The following PCCB variants were observed in gnomAD, a reference collection of about 807,000 sequenced individuals.
The protein encoded by PCCB is propionyl-CoA carboxylase beta chain, mitochondrial.
PCCB carries 43 observed loss-of-function variants against 60.7 expected under a neutral mutation model. That is an observed-to-expected ratio of 0.71 (90% CI 0.55 to 0.91). The LOEUF is 0.91. Ranked by LOEUF, PCCB falls within the 40% of genes least tolerant of loss-of-function variation. PCCB has a pLI of 0.00. For synonymous variants in PCCB, 276 were observed against 255.9 expected (o/e 1.08, Z -0.75); for missense variants, 766 against 702.8 (o/e 1.09, Z -1.02).
intron 9 of PCCB, among the ~76,000 whole-genome samples, chr3:136,304,150 C>CT (rs757141619): frequency 0.032 from 3,186 of 98,824 alleles, 601 homozygotes; most frequent in Non-Finnish European, 0.048. Context: ...ATCTCTTCGT[C>CT]TTTTTTTTTT....
rs886058020 is a variant in PCCB, at chr3:136,329,926, A to G, written c.1520A>G (p.Gln507Arg). The change falls in exon 15 of 15, where the codon CAA becomes CGA. Residue 507 changes from glutamine (Q) to arginine (R), a missense_variant. Physicochemically the swap from Gln to Arg is conservative, Grantham distance 43. Coordinates refer to ENST00000251654, the MANE Select transcript of PCCB (RefSeq NM_000532.5). Reference protein sequence around the residue: ...AVRGFVDDIIQPSSTRARICC... With the variant: ...AVRGFVDDIIRPSSTRARICC... ...CCAGGGTTTGTGGATGACATCATCC[A>G]ACCTTCTTCCACACGTGCCCGAATC... 33 of 1,614,174 alleles carry G rather than the reference A, an allele frequency of 2.0e-5. No individual in the cohort carries two copies. Among genetic ancestry groups the G allele is most frequent in the Non-Finnish European group, 2.8e-5 (33 of 1,180,010 alleles).
intron 5 of PCCB, 58 bp downstream of exon 5, chr3:136,262,123 G>A (rs983034041): frequency 1.8e-6 from 2 of 1,099,998 alleles, no homozygotes; most frequent in African/African-American, 1.5e-5. Context: ...TCTAAGCCAT[G>A]GCCTGGCCAG....
At chr3:136,268,144 A>C (rs1352411185) in intron 5 of PCCB, among the ~76,000 whole-genome samples, 5 of 141,570 alleles carry the variant, frequency 3.5e-5, no homozygotes, top group Non-Finnish European at 7.6e-5. Flanking sequence ...ATATATATCT[A>C]CATACACAAG....
intron 9 of PCCB, 82 bp from the exon 10 acceptor site, chr3:136,316,859 A>G: frequency 6.6e-7 from 1 of 1,505,762 alleles, no homozygotes; most frequent in Non-Finnish European, 9.2e-7. Flanking sequence ...TAATTCTGTA[A>G]TAGAAATGTC....
chr3:136,325,652 G>A (rs1264881688), intron 10 of PCCB, among the ~76,000 whole-genome samples: 2 of 151,086 alleles, frequency 1.3e-5, no homozygotes, highest in African/African-American at 2.4e-5. Context: ...CCACTGTGCC[G>A]GGCCATGTTT....
intron 5 of PCCB, among the ~76,000 whole-genome samples, chr3:136,279,626 A>G (rs1942421256): frequency 6.6e-6 from 1 of 152,026 alleles, no homozygotes; most frequent in South Asian, 2.1e-4. Flanking sequence ...CTCATTAACA[A>G]CAGATTTATT....
rs760709130 is a variant in PCCB, at chr3:136,256,577, C to T, written c.326C>T (p.Thr109Ile). The change falls in exon 3 of 15, where the codon ACT becomes ATT. Residue 109 changes from threonine (T) to isoleucine (I), a missense_variant. Thr to Ile is a moderately conservative substitution (Grantham distance 89). Transcript: ENST00000251654. ...TAGTTTCCTGGAGACAGCGTGGTCA[C>T]TGGACGAGGCCGAATCAATGGAAGA... Reference protein sequence around the residue: ...KNKFPGDSVVTGRGRINGRLV... With the variant: ...KNKFPGDSVVIGRGRINGRLV... The T allele has an allele frequency of 1.9e-6, 3 of 1,613,156 alleles. No homozygotes were observed. Among genetic ancestry groups the T allele is most frequent in the South Asian group, 1.1e-5 (1 of 91,068 alleles).
rs1158203776 is a variant in PCCB, at chr3:136,305,973, C to T, written c.966+4862C>T. Among the ~76,000 whole-genome samples, 2 of 120,970 alleles carry T rather than the reference C, an allele frequency of 1.7e-5. 1 individual carries two copies. Among genetic ancestry groups the T allele is most frequent in the Non-Finnish European group, 3.7e-5 (2 of 54,414 alleles). The allele number at this position is 120,970 out of a possible 152,430, so 79.4% of individuals were successfully genotyped here. ...TATGTACCTGCAAGACATACAAAAT[C>T]GAATACACTGAAGGACACTACATCT... On this transcript the variant is annotated intron_variant, in intron 9 of 14. Transcript: ENST00000251654.
chr3:136,315,498 T>C (rs1576351676), intron 9 of PCCB, among the ~76,000 whole-genome samples: 1 of 151,780 alleles, frequency 6.6e-6, no homozygotes, highest in Non-Finnish European at 1.5e-5. Context: ...CTGCACTCCA[T>C]CCTGGGCAGC....
intron 8 of PCCB, among the ~76,000 whole-genome samples, chr3:136,299,931 T>A (rs1934178171): frequency 6.6e-6 from 1 of 151,960 alleles, no homozygotes; most frequent in African/African-American, 2.4e-5. Flanking sequence ...TGCATATGTA[T>A]ATGTATACGC....
rs755776820 is a variant in PCCB, at chr3:136,262,037, CTT to C, written c.517_518del (p.Leu173GlyfsTer56). The C allele has an allele frequency of 1.9e-6, 3 of 1,556,268 alleles. No individual in the cohort carries two copies. In the Admixed American group the frequency reaches 5.9e-5, roughly 30 times the overall value. On this transcript the variant is annotated frameshift_variant, in exon 5 of 15. Transcript: ENST00000251654. LOFTEE classifies it high-confidence loss of function. ...GCACGGATCCAAGAAGGAGTGGAGT[CTT>C]TGGCTGGCTATGCAGACATCTTTCT...
At chr3:136,306,846 G>A (rs1292120627) in intron 9 of PCCB, among the ~76,000 whole-genome samples, 6 of 122,464 alleles carry the variant, frequency 4.9e-5, no homozygotes, top group African/African-American at 1.5e-4. Flanking sequence ...CAAGAAAATA[G>A]TCCAGAAATA....
chr3:136,256,699 C>A, intron 3 of PCCB, 76 bp downstream of exon 3: 2 of 1,036,500 alleles, frequency 1.9e-6, no homozygotes, highest in Non-Finnish European at 1.5e-6. Flanking sequence ...AGAAGCCAAT[C>A]TTGGGGAATG....
At chr3:136,316,816 T>C (rs1934913132) in intron 9 of PCCB, 125 bp from the exon 10 acceptor site, 2 of 1,094,710 alleles carry the variant, frequency 1.8e-6, no homozygotes, top group Non-Finnish European at 2.8e-6. Context: ...GGAGAACCTG[T>C]GATAGAGCTG....
chr3:136,293,895 T>G (rs1241913986), intron 7 of PCCB, 31 bp downstream of exon 7: 4 of 1,296,820 alleles, frequency 3.1e-6, no homozygotes, highest in South Asian at 1.2e-5. Context: ...CCTTGTTGTT[T>G]TCAAACATTG....
At chr3:136,323,570 G>A (rs969945645) in intron 10 of PCCB, among the ~76,000 whole-genome samples, 1 of 152,122 alleles carries the variant, frequency 6.6e-6, no homozygotes, top group African/African-American at 2.4e-5. Flanking sequence ...GATCACCTGA[G>A]GTCAAGAGTT....
At chr3:136,251,722 C>G (rs999464277) in intron 1 of PCCB, among the ~76,000 whole-genome samples, 1 of 152,130 alleles carries the variant, frequency 6.6e-6, no homozygotes, top group African/African-American at 2.4e-5. Flanking sequence ...TACACTCTTT[C>G]TGTTGGGGCC....
intron 9 of PCCB, among the ~76,000 whole-genome samples, chr3:136,314,897 G>T (rs1934824740): frequency 6.6e-6 from 1 of 152,162 alleles, no homozygotes; most frequent in Non-Finnish European, 1.5e-5. Context: ...AAGGAAACCT[G>T]CAGATATCAC....
intron 5 of PCCB, among the ~76,000 whole-genome samples, chr3:136,279,728 C>T (rs1190264758): frequency 1.3e-5 from 2 of 151,918 alleles, no homozygotes; most frequent in East Asian, 1.9e-4. Flanking sequence ...AGTGCAGTGG[C>T]GTGATCTCGA....
Sources: allele counts gnomAD v4.1 joint callset (sites outside exome capture counted in the v4.1 genomes callset), GRCh38; gene constraint gnomAD v4.1.1; transcripts MANE v1.5; gene names NCBI Gene and HGNC (gene_info 2026-07-23, HGNC 2026-07-21).